The following CCDC85A variants were observed in gnomAD, a reference collection of about 807,000 sequenced individuals.
The protein encoded by CCDC85A is coiled-coil domain-containing protein 85A.
Under a neutral mutation model 50.2 loss-of-function variants are expected in CCDC85A, and 38 were observed. That is an observed-to-expected ratio of 0.76 (90% CI 0.58 to 0.99). The LOEUF (loss-of-function observed/expected upper bound fraction) is 0.99. Ranked by LOEUF, CCDC85A falls within the 50% of genes least tolerant of loss-of-function variation. The pLI is 0.00. For synonymous variants in CCDC85A, 366 were observed against 301.4 expected (o/e 1.21, Z -2.22); for missense variants, 820 against 742.0 (o/e 1.11, Z -1.22).
At chr2:56,290,295 G>A (rs1671643191) in intron 2 of CCDC85A, among the ~76,000 whole-genome samples, 1 of 152,038 alleles carries the variant, frequency 6.6e-6, no homozygotes, top group Admixed American at 6.6e-5. Flanking sequence ...ATACTAACAT[G>A]GAATCTCTAT....
chr2:56,185,455 G>A (rs953204401), intron 1 of CCDC85A, among the ~76,000 whole-genome samples: 1 of 152,158 alleles, frequency 6.6e-6, no homozygotes, highest in African/African-American at 2.4e-5. Context: ...TTCAAGCTCT[G>A]CCTTCACGTC....
chr2:56,183,947 C>T (rs1008374398), upstream of CCDC85A: 10 of 985,420 alleles, frequency 1.0e-5, no homozygotes, highest in African/African-American at 1.7e-4. Context: ...CGGGTGGCCC[C>T]AGCTCCAGGC....
chr2:56,240,805 A>AT (rs879354218), intron 2 of CCDC85A, among the ~76,000 whole-genome samples: 5 of 151,534 alleles, frequency 3.3e-5, no homozygotes, highest in Admixed American at 6.6e-5. Context: ...AGTTCTTTCC[A>AT]TTTTTTTTCT....
intron 2 of CCDC85A, among the ~76,000 whole-genome samples, chr2:56,223,438 A>C (rs183154419): frequency 8.5e-5 from 13 of 152,190 alleles, no homozygotes; most frequent in South Asian, 2.1e-4. Flanking sequence ...TTTGGCCTCT[A>C]TGGAGCATTG....
At chr2:56,278,200 G>A (rs189843830) in intron 2 of CCDC85A, among the ~76,000 whole-genome samples, 2 of 152,130 alleles carry the variant, frequency 1.3e-5, no homozygotes, top group African/African-American at 4.8e-5. Context: ...ATTGGTTTGA[G>A]TAGTGTCTTC....
At position 56,184,722 on chromosome 2, in the gene CCDC85A, T is replaced by A; in HGVS notation, c.98T>A (p.Val33Glu). 6.5e-7 allele frequency: 1 copy of A among 1,535,368 alleles called. No individual in the cohort carries two copies. Among genetic ancestry groups the A allele is most frequent in the Non-Finnish European group, 8.7e-7 (1 of 1,143,644 alleles). The change falls in exon 1 of 6, where the codon GTG becomes GAG. Residue 33 changes from valine (V) to glutamate (E), a missense_variant. Val to Glu is a moderately radical substitution (Grantham distance 121). Transcript: ENST00000407595. ...TCGTCCGCGGCCCCGCCCGCGCCGG[T>A]GGAGGACCTGTCCAAAGTGTCGGAC... ...AGSSAAPPAPVEDLSKVSDEE... is the reference protein window; with the variant it reads ...AGSSAAPPAPEEDLSKVSDEE...
chr2:56,343,506 C>CT (rs1232223498), intron 3 of CCDC85A, among the ~76,000 whole-genome samples: 1 of 152,122 alleles, frequency 6.6e-6, no homozygotes, highest in African/African-American at 2.4e-5. Context: ...TAAAGTGGCA[C>CT]TTTTTCCAGG....
intron 2 of CCDC85A, among the ~76,000 whole-genome samples, chr2:56,247,319 T>C (rs1464953482): frequency 6.6e-6 from 1 of 152,202 alleles, no homozygotes; most frequent in African/African-American, 2.4e-5. Flanking sequence ...TAAAGTTTAT[T>C]TTAATACTTA....
chr2:56,256,078 T>G (rs1669972576), intron 2 of CCDC85A, among the ~76,000 whole-genome samples: 1 of 152,136 alleles, frequency 6.6e-6, no homozygotes, highest in African/African-American at 2.4e-5. Context: ...AAATATACAA[T>G]AAATTGCATG....
chr2:56,193,944 C>A (rs151102120), intron 2 of CCDC85A, among the ~76,000 whole-genome samples: 8 of 152,208 alleles, frequency 5.3e-5, no homozygotes, highest in Non-Finnish European at 1.0e-4. Context: ...CCTAAACAGG[C>A]TTGATGCTGG....
At chr2:56,339,812 C>T (rs1674268082) in intron 2 of CCDC85A, among the ~76,000 whole-genome samples, 4 of 151,942 alleles carry the variant, frequency 2.6e-5, no homozygotes, top group Admixed American at 2.6e-4. Context: ...ACATTCACAT[C>T]TTGATGATCT....
At chr2:56,291,981 G>T (rs1243569671) in intron 2 of CCDC85A, among the ~76,000 whole-genome samples, 1 of 152,130 alleles carries the variant, frequency 6.6e-6, no homozygotes, top group African/African-American at 2.4e-5. Context: ...AGATGGAGGG[G>T]ATTAGGCATA....
chr2:56,245,490 G>A (rs1669460486), intron 2 of CCDC85A, among the ~76,000 whole-genome samples: 1 of 152,212 alleles, frequency 6.6e-6, no homozygotes, highest in Admixed American at 6.5e-5. Context: ...CTCTTTCAGT[G>A]ATATTAAGTT....
intron 2 of CCDC85A, among the ~76,000 whole-genome samples, chr2:56,318,494 T>C (rs1225843858): frequency 2.6e-5 from 4 of 152,112 alleles, no homozygotes; most frequent in African/African-American, 9.7e-5. Context: ...ACTTAACACA[T>C]TTAAAGATAT....
intron 2 of CCDC85A, among the ~76,000 whole-genome samples, chr2:56,244,313 G>A (rs746411262): frequency 6.6e-6 from 1 of 152,040 alleles, no homozygotes; most frequent in Admixed American, 6.6e-5. Flanking sequence ...CTCCCCTTGC[G>A]CCAGCAGAGG....
At chr2:56,196,852 T>A (rs537968671) in intron 2 of CCDC85A, among the ~76,000 whole-genome samples, 1 of 150,278 alleles carries the variant, frequency 6.7e-6, no homozygotes, top group Admixed American at 6.6e-5. Context: ...GAAGAAATGG[T>A]ACTCTTCATT....
chr2:56,343,672 G>C (rs1674487005), intron 3 of CCDC85A, among the ~76,000 whole-genome samples: 1 of 152,152 alleles, frequency 6.6e-6, no homozygotes, highest in Non-Finnish European at 1.5e-5. Context: ...TCCTTTTCAA[G>C]CATGTGGACA....
chr2:56,332,173 G>A (rs1194876228), intron 2 of CCDC85A, among the ~76,000 whole-genome samples: 1 of 152,196 alleles, frequency 6.6e-6, no homozygotes, highest in Non-Finnish European at 1.5e-5. Flanking sequence ...TAGCTGAGGG[G>A]CATTTAGATT....
At chr2:56,363,836 A>G (rs529954505) in intron 3 of CCDC85A, among the ~76,000 whole-genome samples, 3 of 152,342 alleles carry the variant, frequency 2.0e-5, no homozygotes, top group African/African-American at 4.8e-5. Context: ...CATTGCATCC[A>G]TACTGGCAAT....
Sources: allele counts gnomAD v4.1 joint callset (sites outside exome capture counted in the v4.1 genomes callset), GRCh38; gene constraint gnomAD v4.1.1; transcripts MANE v1.5; gene names NCBI Gene and HGNC (gene_info 2026-07-23, HGNC 2026-07-21).